The following TMEM17 variants were observed in gnomAD, a reference collection of about 807,000 sequenced individuals.
TMEM17 encodes the protein transmembrane protein 17.
TMEM17 carries 15 observed loss-of-function variants against 19.1 expected under a neutral mutation model. That is an observed-to-expected ratio of 0.78 (90% CI 0.52 to 1.21). The LOEUF is 1.21. Ranked by LOEUF, TMEM17 falls within the 50% of genes most tolerant of loss-of-function variation. The probability of loss-of-function intolerance (pLI) is 0.00; values close to 1 mark genes in which losing one functional copy is unlikely to be tolerated. For synonymous variants in TMEM17, 103 were observed against 86.9 expected, an observed-to-expected ratio of 1.19 and a Z score of -1.03; for missense variants, 245 against 242.3, an observed-to-expected ratio of 1.01 and a Z score of -0.07.
the TMEM17 span, among the ~76,000 whole-genome samples, chr2:62,477,533 T>C: frequency 0.016 from 2,389 of 152,340 alleles, 24 homozygotes; most frequent in Non-Finnish European, 0.024. Flanking sequence ...GCTGTACATA[T>C]GCGAGTGCTA....
At chr2:62,473,351 C>G in the TMEM17 span, among the ~76,000 whole-genome samples, 1 of 152,138 alleles carries the variant, frequency 6.6e-6, no homozygotes, top group Non-Finnish European at 1.5e-5. Context: ...CCCTGTGGGC[C>G]AAGCTGAGGA....
intron 1 of TMEM17, among the ~76,000 whole-genome samples, chr2:62,504,447 G>C (rs1255988326): frequency 6.6e-6 from 1 of 152,154 alleles, no homozygotes; most frequent in African/African-American, 2.4e-5. Context: ...GAACATTTCA[G>C]TACCTTTGAG....
the TMEM17 span, among the ~76,000 whole-genome samples, chr2:62,464,609 C>A: frequency 4.6e-5 from 7 of 152,210 alleles, no homozygotes; most frequent in South Asian, 2.1e-4. Context: ...GCTGCCTAGA[C>A]AGAGCCGATT....
chr2:62,481,076 T>C, the TMEM17 span, among the ~76,000 whole-genome samples: 9 of 152,172 alleles, frequency 5.9e-5, no homozygotes, highest in Non-Finnish European at 1.0e-4. Flanking sequence ...CTTTTGATTT[T>C]TTATTTTTTG....
chr2:62,490,562 T>A, the TMEM17 span, among the ~76,000 whole-genome samples: 4 of 152,154 alleles, frequency 2.6e-5, no homozygotes, highest in Admixed American at 6.5e-5. Flanking sequence ...AAGTCTGATA[T>A]CTTTTAAAAC....
the TMEM17 span, among the ~76,000 whole-genome samples, chr2:62,465,974 GC>G: frequency 6.6e-6 from 1 of 152,110 alleles, no homozygotes; most frequent in African/African-American, 2.4e-5. Flanking sequence ...AAACTGGAGA[GC>G]CAGTTTTAGT....
At chr2:62,505,991 G>C in intron 1 of TMEM17, 39 bp downstream of exon 1, 1 of 1,550,800 alleles carries the variant, frequency 6.4e-7, no homozygotes, top group Non-Finnish European at 8.8e-7. Flanking sequence ...CCAAGCCCTC[G>C]GCAGGCCACA....
chr2:62,501,814 A>G (rs1257048313), intron 3 of TMEM17: 1 of 210,710 alleles, frequency 4.7e-6, no homozygotes, highest in East Asian at 1.1e-4. Context: ...GTTGTGGAGA[A>G]GAAGGAAGAG....
chr2:62,483,394 A>G, the TMEM17 span, among the ~76,000 whole-genome samples: 1 of 152,194 alleles, frequency 6.6e-6, no homozygotes, highest in Non-Finnish European at 1.5e-5. Flanking sequence ...CAGGCTCTGT[A>G]GGAAAAGGCA....
the TMEM17 span, among the ~76,000 whole-genome samples, chr2:62,457,214 C>G: frequency 2.0e-5 from 3 of 152,248 alleles, no homozygotes; most frequent in Admixed American, 6.5e-5. This position sits in a 1 kb window ranked among gnomAD's most constrained non-coding sequence, Gnocchi z 4.2. Flanking sequence ...CCCTGCCGTG[C>G]GGGCTGCTGC....
chr2:62,470,431 C>T, the TMEM17 span, among the ~76,000 whole-genome samples: 1 of 152,248 alleles, frequency 6.6e-6, no homozygotes, highest in Non-Finnish European at 1.5e-5. Context: ...CCTGGTGTGG[C>T]TGCCCTCAGA....
Position 62,500,950 on chromosome 2 carries a change from C to CGGTGGTCGCCG in TMEM17, c.*258_*259insCGGCGACCACC. 6.0e-6 allele frequency: 2 copies of CGGTGGTCGCCG among 333,948 alleles called. No homozygotes were observed. The highest frequency in any genetic ancestry group is 7.9e-5 in the South Asian group (1 of 12,656). The allele number at this position is 333,948 out of a possible 1,614,324, so 20.7% of individuals were successfully genotyped here. ...ATGACAACCACCAATACATAGATTT[C>CGGTGGTCGCCG]TACACTCCTGAAAAAGACAACAACA... is the stretch of plus-strand genomic sequence containing the variant. On this transcript the variant is annotated 3_prime_UTR_variant, in exon 4 of 4. Transcript: ENST00000335390.
rs1421955779 is a variant in TMEM17, at chr2:62,502,542, G to T, written c.213C>A (p.Ile71=). 6.3e-7 allele frequency: 1 copy of T among 1,581,978 alleles called. No homozygotes were observed. The highest frequency in any genetic ancestry group is 8.6e-7 in the Non-Finnish European group (1 of 1,158,980). ...CAATGAATTTGTAGTAGTCAGGTAAGATTGAATACTAAAAGAAAAGCCAAA... is the reference window on the plus strand; with the variant it reads ...CAATGAATTTGTAGTAGTCAGGTAATATTGAATACTAAAAGAAAAGCCAAA... ...SIMMLHMKYS[I]LPDYYKFIVI... is the part of the protein sequence containing the mutation. The change falls in exon 3 of 4, where the codon ATC becomes ATA. Residue 71 remains isoleucine (I), a synonymous_variant. Coordinates refer to ENST00000335390, the MANE Select transcript of TMEM17 (RefSeq NM_198276.3).
chr2:62,491,831 A>G, the TMEM17 span, among the ~76,000 whole-genome samples: 1 of 151,980 alleles, frequency 6.6e-6, no homozygotes, highest in African/African-American at 2.4e-5. Flanking sequence ...TTAATCAAAT[A>G]TACATCTCTT....
chr2:62,481,755 C>A, the TMEM17 span, among the ~76,000 whole-genome samples: 1 of 144,116 alleles, frequency 6.9e-6, no homozygotes, highest in Non-Finnish European at 1.5e-5. Flanking sequence ...AGCATTTAAC[C>A]TTCTACAATT....
At chr2:62,474,000 A>G in the TMEM17 span, among the ~76,000 whole-genome samples, 1 of 152,094 alleles carries the variant, frequency 6.6e-6, no homozygotes, top group Non-Finnish European at 1.5e-5. Context: ...CCATCCATGC[A>G]GGGACCCAGG....
chr2:62,503,963 C>A (rs1679999510), intron 1 of TMEM17, among the ~76,000 whole-genome samples: 1 of 152,142 alleles, frequency 6.6e-6, no homozygotes, highest in African/African-American at 2.4e-5. Flanking sequence ...TAAAATTGAG[C>A]CCTACAAAAT....
chr2:62,497,175 C>T (rs1679800054), downstream of TMEM17, among the ~76,000 whole-genome samples: 1 of 152,194 alleles, frequency 6.6e-6, no homozygotes, highest in Non-Finnish European at 1.5e-5. Flanking sequence ...TCCAGGCCAG[C>T]TTGTTCTCGC....
the TMEM17 span, among the ~76,000 whole-genome samples, chr2:62,464,428 G>A: frequency 2.0e-5 from 3 of 152,190 alleles, no homozygotes; most frequent in Non-Finnish European, 4.4e-5. Context: ...TGAGCGCAGC[G>A]GGCTGAGTAA....
Sources: allele counts gnomAD v4.1 joint callset (sites outside exome capture counted in the v4.1 genomes callset), GRCh38; gene constraint gnomAD v4.1.1; non-coding constraint Gnocchi (gnomAD v3.1); transcripts MANE v1.5; gene names NCBI Gene and HGNC (gene_info 2026-07-23, HGNC 2026-07-21).